The following RGS7 variants were observed in gnomAD, a reference collection of about 807,000 sequenced individuals.
RGS7 encodes the protein regulator of G protein signaling 7, also known as regulator of G-protein signaling 7.
In RGS7, 27 loss-of-function variants were observed where a neutral mutation model predicts 81.1. The observed-to-expected ratio is 0.33, with a 90% confidence interval of 0.25 to 0.46. The LOEUF (loss-of-function observed/expected upper bound fraction) is 0.46, where lower values mean the gene tolerates loss of function less well. RGS7 is among the 20% of genes least tolerant of loss of function. The pLI, the probability that RGS7 is intolerant of heterozygous loss-of-function variation, is 1.00. For missense variants in RGS7, 396 were observed against 607.4 expected, an observed-to-expected ratio of 0.65 and a Z score of 3.66; for synonymous variants, 208 against 207.7, an observed-to-expected ratio of 1.00 and a Z score of -0.01.
At chr1:241,167,135 G>A (rs1184341780) in intron 2 of RGS7, among the ~76,000 whole-genome samples, 1 of 152,178 alleles carries the variant, frequency 6.6e-6, no homozygotes, top group African/African-American at 2.4e-5. Flanking sequence ...AGACCCGGGG[G>A]AGAGGACGTG....
At chr1:240,857,863 T>A (rs980072599) in intron 9 of RGS7, among the ~76,000 whole-genome samples, 5 of 152,134 alleles carry the variant, frequency 3.3e-5, no homozygotes, top group African/African-American at 9.7e-5. Context: ...CCCCACGTTG[T>A]TCTCATGATA....
At chr1:241,099,174 GCTT>G (rs1344551359) in intron 2 of RGS7, among the ~76,000 whole-genome samples, 1 of 152,162 alleles carries the variant, frequency 6.6e-6, no homozygotes, top group Non-Finnish European at 1.5e-5. Context: ...TGCTTGAATT[GCTT>G]CTTCAAGCAA....
chr1:240,899,631 G>A (rs1294734094), intron 6 of RGS7, among the ~76,000 whole-genome samples: 3 of 152,178 alleles, frequency 2.0e-5, no homozygotes, highest in Non-Finnish European at 2.9e-5. Context: ...CTTCTGGCTT[G>A]TAGAGTTTCT....
intron 2 of RGS7, among the ~76,000 whole-genome samples, chr1:241,136,000 C>T (rs2067490051): frequency 6.7e-6 from 1 of 149,052 alleles, no homozygotes; most frequent in Non-Finnish European, 1.5e-5. Flanking sequence ...CTAAGAAAGA[C>T]ATATTTGAAA....
intron 3 of RGS7, among the ~76,000 whole-genome samples, chr1:240,989,776 C>T (rs967323330): frequency 6.6e-6 from 1 of 152,004 alleles, no homozygotes; most frequent in Non-Finnish European, 1.5e-5. Context: ...CATCAGGGCG[C>T]TTTTGGTTGT....
intron 2 of RGS7, among the ~76,000 whole-genome samples, chr1:241,140,965 C>T (rs891588039): frequency 5.9e-5 from 9 of 152,288 alleles, no homozygotes; most frequent in Admixed American, 2.0e-4. Flanking sequence ...TCACCCTCTA[C>T]CTTGCTTTGT....
intron 6 of RGS7, among the ~76,000 whole-genome samples, chr1:240,926,936 A>G (rs1449719929): frequency 1.3e-5 from 2 of 152,236 alleles, no homozygotes; most frequent in African/African-American, 4.8e-5. Context: ...TAATTATGAA[A>G]AAGTAGTTTT....
chr1:240,865,520 G>T (rs1402201234), intron 9 of RGS7, among the ~76,000 whole-genome samples: 2 of 152,292 alleles, frequency 1.3e-5, no homozygotes, highest in Non-Finnish European at 2.9e-5. Flanking sequence ...CACAGATCCT[G>T]TCTAGAAGAC....
intron 2 of RGS7, among the ~76,000 whole-genome samples, chr1:241,162,222 G>GCCAACCCCCCGCCC (rs68166816): frequency 2.1e-5 from 3 of 142,150 alleles, no homozygotes; most frequent in Admixed American, 1.4e-4. Context: ...CTGGTGATCA[G>GCCAACCCCCCGCCC]CTTCCAAATA....
chr1:241,044,595 A>ATT (rs1336291746), intron 3 of RGS7, among the ~76,000 whole-genome samples: 2 of 150,824 alleles, frequency 1.3e-5, no homozygotes, highest in African/African-American at 4.9e-5. Flanking sequence ...CTAATTTTAA[A>ATT]ATTTATTTAT....
At chr1:240,971,364 G>T (rs1683182730) in intron 4 of RGS7, among the ~76,000 whole-genome samples, 1 of 152,218 alleles carries the variant, frequency 6.6e-6, no homozygotes, top group Non-Finnish European at 1.5e-5. Context: ...AACATAGATA[G>T]GGTACCAACA....
intron 9 of RGS7, among the ~76,000 whole-genome samples, chr1:240,854,032 C>T (rs1660634902): frequency 6.6e-6 from 1 of 151,606 alleles, no homozygotes; most frequent in South Asian, 2.1e-4. Flanking sequence ...CTTCTGGAAC[C>T]CCCTTTCTGG....
intron 3 of RGS7, among the ~76,000 whole-genome samples, chr1:241,084,742 G>A (rs947416054): frequency 9.2e-5 from 14 of 152,180 alleles, no homozygotes; most frequent in African/African-American, 2.9e-4. Flanking sequence ...ATGAGACTCC[G>A]TGCCTTAATT....
At chr1:240,962,622 G>GA (rs1356454974) in intron 4 of RGS7, among the ~76,000 whole-genome samples, 5 of 152,028 alleles carry the variant, frequency 3.3e-5, no homozygotes, top group African/African-American at 9.7e-5. Flanking sequence ...TTTCAACAGG[G>GA]AAAAAATGCA....
chr1:241,107,979 T>C (rs1212247514), intron 2 of RGS7, among the ~76,000 whole-genome samples: 1 of 148,832 alleles, frequency 6.7e-6, no homozygotes, highest in Non-Finnish European at 1.5e-5. Context: ...AAAATAAGAG[T>C]GGGTGGTTGC....
At chr1:240,977,761 T>C (rs556379373) in intron 4 of RGS7, among the ~76,000 whole-genome samples, 7 of 152,202 alleles carry the variant, frequency 4.6e-5, no homozygotes, top group Non-Finnish European at 1.0e-4. Context: ...CACAACACTT[T>C]GAATCCCATT....
chr1:241,163,376 G>A lies in RGS7; in HGVS notation c.79-64614C>T, dbSNP rs1261448680. ...TTCTCGGACATATTTTGAGATGGAT[G>A]TTCAGAGGGCCAGCAGATAGAAGTA... is the stretch of plus-strand genomic sequence containing the variant. On this transcript the variant is annotated intron_variant, in intron 2 of 18. Coordinates refer to ENST00000440928, the MANE Select transcript of RGS7 (RefSeq NM_001364886.1). The surrounding 1 kb of genome is among the most constrained non-coding windows in gnomAD (Gnocchi z 4.6). Among the ~76,000 whole-genome samples the A allele has an allele frequency of 6.6e-6, 1 of 152,152 alleles. No homozygotes were observed. Among genetic ancestry groups the A allele is most frequent in the East Asian group, 1.9e-4 (1 of 5,204 alleles).
chr1:240,858,901 T>C (rs1405345367), intron 9 of RGS7, among the ~76,000 whole-genome samples: 1 of 152,196 alleles, frequency 6.6e-6, no homozygotes, highest in African/African-American at 2.4e-5. Context: ...AATATTTTGT[T>C]GAGGATTTTT....
At chr1:240,839,693 C>A (rs1354736095) in intron 9 of RGS7, among the ~76,000 whole-genome samples, 1 of 152,076 alleles carries the variant, frequency 6.6e-6, no homozygotes, top group Non-Finnish European at 1.5e-5. Context: ...CTCCCCAGAT[C>A]CTGAGTGAAC....
Sources: gnomAD v4.1 joint callset for allele counts (sites outside exome capture counted in the v4.1 genomes callset) on GRCh38, gnomAD v4.1.1 for gene constraint, Gnocchi (gnomAD v3.1) non-coding constraint, MANE v1.5 for transcripts, NCBI Gene and HGNC (gene_info 2026-07-23, HGNC 2026-07-21) for gene names.